The following ALPK2 variants were observed in gnomAD, a reference collection of about 807,000 sequenced individuals.
ALPK2 encodes alpha kinase 2, also known as alpha-protein kinase 2.
A neutral mutation model predicts 163.1 loss-of-function variants in ALPK2; 127 were observed. The observed-to-expected ratio is 0.78, with a 90% confidence interval of 0.67 to 0.90. The LOEUF (loss-of-function observed/expected upper bound fraction) is 0.90. Ranked by LOEUF, ALPK2 falls within the 40% of genes least tolerant of loss-of-function variation. ALPK2 has a pLI of 0.00. For synonymous variants in ALPK2, 953 were observed against 959.1 expected (o/e 0.99, Z 0.12); for missense variants, 2,360 against 2,589.6 (o/e 0.91, Z 1.92).
At chr18:58,596,080 T>C (rs1243983008) in intron 3 of ALPK2, among the ~76,000 whole-genome samples, 1 of 152,228 alleles carries the variant, frequency 6.6e-6, no homozygotes, top group Non-Finnish European at 1.5e-5. Context: ...TGCCCCCGCA[T>C]GCACTGTGTG....
intron 4 of ALPK2, among the ~76,000 whole-genome samples, chr18:58,545,733 T>C (rs924841224): frequency 2.0e-5 from 3 of 152,194 alleles, no homozygotes; most frequent in Non-Finnish European, 4.4e-5. Context: ...TAGTGTTCTT[T>C]CCTTCTTATC....
At position 58,578,731 on chromosome 18, in the gene ALPK2, G is replaced by GACACACACACACACACAC. The variant is rs1478568401; in HGVS notation, c.1962+82_1962+83insGTGTGTGTGTGTGTGTGT. The GACACACACACACACACAC allele has an allele frequency of 8.0e-4, 83 of 104,296 alleles. No homozygotes were observed. In the African/African-American group the frequency reaches 0.011, roughly 13 times the overall value. 6.5% of individuals were successfully genotyped at this position (104,296 alleles called of 1,614,324 possible). On this transcript the variant is annotated intron_variant, in intron 4 of 12. Transcript: ENST00000361673. ...CAATTGTGAATGTGAAGTAAAGGAA[G>GACACACACACACACACAC]AGACACACACACACACACACACACA...
intron 12 of ALPK2, among the ~76,000 whole-genome samples, chr18:58,487,281 T>C (rs2051344343): frequency 6.6e-6 from 1 of 152,156 alleles, no homozygotes; most frequent in South Asian, 2.1e-4. Context: ...GGGAATATCA[T>C]GTGATGTTGG....
chr18:58,611,570 G>GAA, intron 2 of ALPK2, 119 bp downstream of exon 2: 3 of 882,654 alleles, frequency 3.4e-6, no homozygotes, highest in South Asian at 1.5e-5. Flanking sequence ...TGATTACACA[G>GAA]AAAAAAAAAC....
intron 12 of ALPK2, among the ~76,000 whole-genome samples, chr18:58,491,796 G>A (rs2051376164): frequency 6.6e-6 from 1 of 152,264 alleles, no homozygotes. Flanking sequence ...ATACAGGCAA[G>A]GAGAACTTGT....
At chr18:58,613,744 T>A (rs943526449) in intron 1 of ALPK2, among the ~76,000 whole-genome samples, 37 of 124,346 alleles carry the variant, frequency 3.0e-4, no homozygotes, top group South Asian at 5.5e-4. Context: ...ATAATAATAA[T>A]AAAATAAAAA....
At chr18:58,569,957 C>G (rs967365161) in intron 4 of ALPK2, among the ~76,000 whole-genome samples, 5 of 151,998 alleles carry the variant, frequency 3.3e-5, no homozygotes, top group Non-Finnish European at 7.4e-5. Flanking sequence ...GGTGAAACCC[C>G]GTCTCTACTA....
At chr18:58,596,067 A>G (rs899041496) in intron 3 of ALPK2, among the ~76,000 whole-genome samples, 2 of 152,220 alleles carry the variant, frequency 1.3e-5, no homozygotes, top group African/African-American at 4.8e-5. Context: ...ATGACTGGCA[A>G]GCTGCCCCCG....
rs375934056 is a variant in ALPK2 at position 58,580,018 on chromosome 18, T to C, written c.758A>G (p.His253Arg). The change falls in exon 4 of 13, where the codon CAT (histidine) becomes CGT (arginine). Residue 253 changes from histidine (H) to arginine (R), a missense_variant. Physicochemically the swap from His to Arg is conservative, Grantham distance 29 (BLOSUM62 0). Transcript: ENST00000361673. ...TDGDLNNDGP[H>R]DEGLRSSQQN... ...CTGACTAGAGCGTAAGCCTTCATCA[T>C]GAGGACCATCATTGTTCAGGTCACC... 6.8e-6 allele frequency: 11 copies of C among 1,614,132 alleles called. No individual in the cohort carries two copies. Among genetic ancestry groups the C allele is most frequent in the African/African-American group, 1.3e-5 (1 of 74,952 alleles).
chr18:58,610,028 C>G (rs1226599770), intron 2 of ALPK2, among the ~76,000 whole-genome samples: 1 of 152,132 alleles, frequency 6.6e-6, no homozygotes, highest in African/African-American at 2.4e-5. Flanking sequence ...GCAGCCGTTT[C>G]TGAGGCTCAC....
At chr18:58,596,734 G>A (rs547884809) in intron 3 of ALPK2, among the ~76,000 whole-genome samples, 1 of 152,346 alleles carries the variant, frequency 6.6e-6, no homozygotes, top group South Asian at 2.1e-4. Context: ...ATGTGGAATG[G>A]CTCTTTTGCC....
At chr18:58,605,139 A>G (rs1276153331) in intron 3 of ALPK2, among the ~76,000 whole-genome samples, 2 of 152,230 alleles carry the variant, frequency 1.3e-5, no homozygotes, top group Non-Finnish European at 2.9e-5. Context: ...TTCAGTGTGT[A>G]GATCCTCAAG....
At position 58,537,005 on chromosome 18, in the gene ALPK2, A is replaced by G. The variant is rs1159497314; in HGVS notation, c.3182T>C (p.Leu1061Ser). ...TGTAGATTTGATGGTAGCACCACTT[A>G]AAATATGATCCAACTGCACTTGGGA... The part of the protein sequence containing the change: ...FPSQVQLDHI[L>S]SGATIKSTKE... The change falls in exon 5 of 13, where the codon TTA becomes TCA. Residue 1061 changes from leucine (L) to serine (S), a missense_variant. Leu to Ser is a moderately radical substitution (Grantham distance 145). Coordinates refer to ENST00000361673, the MANE Select transcript of ALPK2 (RefSeq NM_052947.4). The G allele has an allele frequency of 2.5e-6, 4 of 1,614,068 alleles. No individual in the cohort carries two copies. The highest frequency in any genetic ancestry group is 3.3e-5 in the Admixed American group (2 of 60,012).
At chr18:58,509,623 C>T (rs62094718) in intron 10 of ALPK2, among the ~76,000 whole-genome samples, 53,693 of 149,752 alleles carry the variant, frequency 0.36, 10,164 homozygotes, top group South Asian at 0.53. Context: ...TTTGCATTTC[C>T]CTGATGGCCA....
At position 58,609,306 on chromosome 18, in the gene ALPK2, C is replaced by T. The variant is rs577197552; in HGVS notation, c.110-1867G>A. Among the ~76,000 whole-genome samples the T allele has an allele frequency of 3.9e-5, 6 of 152,266 alleles. No individual in the cohort carries two copies. The East Asian group carries it at 1.2e-3, about 29-fold the overall frequency. On this transcript the variant is annotated intron_variant, in intron 2 of 12. Transcript: ENST00000361673. ...TGGCTGAGCCTCTTACAGGCATTTG[C>T]CTATAAAAAGACACCAAAAAATGGG...
chr18:58,500,799 A>G (rs915029728), intron 11 of ALPK2, among the ~76,000 whole-genome samples: 2 of 150,228 alleles, frequency 1.3e-5, no homozygotes, highest in East Asian at 3.9e-4. Flanking sequence ...AAAAAAGCTC[A>G]TTCTCCAGAA....
At position 58,498,019 on chromosome 18, in the gene ALPK2, T is replaced by C. The variant is rs373709857; in HGVS notation, c.6296+30A>G. ...AAGGTGTCTGTAAGCCCAGTGTTAA[T>C]TGATGCACACTCCATTTTTTCCTAC... On this transcript the variant is annotated intron_variant, in intron 12 of 12. Transcript: ENST00000361673. 9.6e-5 allele frequency: 155 copies of C among 1,611,880 alleles called. 1 individual carries two copies. In the African/African-American group the frequency reaches 1.9e-3, roughly 19 times the overall value.
rs936815846 is a variant in ALPK2 at position 58,501,187 on chromosome 18, T to C, written c.6247+2744A>G. On this transcript the variant is annotated intron_variant, in intron 11 of 12. Transcript: ENST00000361673. ...ACCACGTTAAACCACACACGTCATT[T>C]ACAGAGAGATGTGATATTCCATTAC... is the stretch of plus-strand genomic sequence containing the variant. Among the ~76,000 whole-genome samples, 3 of 152,244 alleles carry C rather than the reference T, an allele frequency of 2.0e-5. 1 individual carries two copies. Among genetic ancestry groups the C allele is most frequent in the Non-Finnish European group, 4.4e-5 (3 of 68,040 alleles).
chr18:58,600,100 G>C (rs943016129), intron 3 of ALPK2, among the ~76,000 whole-genome samples: 1 of 127,594 alleles, frequency 7.8e-6, no homozygotes, highest in Non-Finnish European at 1.6e-5. Context: ...GCAGTGGCAT[G>C]ATCTCTGCTC....
Sources: gnomAD v4.1 joint callset for allele counts (sites outside exome capture counted in the v4.1 genomes callset) on GRCh38, gnomAD v4.1.1 for gene constraint, MANE v1.5 for transcripts, NCBI Gene and HGNC (gene_info 2026-07-23, HGNC 2026-07-21) for gene names.